PRKN: variants seen among roughly 807,000 people sequenced by gnomAD.
PRKN encodes the protein parkin RBR E3 ubiquitin protein ligase, also known as E3 ubiquitin-protein ligase parkin.
A neutral mutation model predicts 59.5 loss-of-function variants in PRKN; 56 were observed. That is an observed-to-expected ratio of 0.94 (90% confidence interval 0.76 to 1.18). PRKN has a LOEUF of 1.18. Among genes scored for constraint, PRKN ranks in the 50% most tolerant of loss-of-function variants. PRKN has a pLI of 0.00. For missense variants in PRKN, 657 were observed against 596.4 expected, an observed-to-expected ratio of 1.10 and a Z score of -1.06; for synonymous variants, 250 against 222.1, an observed-to-expected ratio of 1.13 and a Z score of -1.12.
chr6:162,016,987 G>C (rs534868742), intron 5 of PRKN, among the ~76,000 whole-genome samples: 5 of 152,176 alleles, frequency 3.3e-5, no homozygotes, highest in African/African-American at 1.2e-4. Context: ...AACTGTGTGT[G>C]TGCAACTCAA....
intron 2 of PRKN, among the ~76,000 whole-genome samples, chr6:162,346,507 G>A (rs1214848610): frequency 6.6e-6 from 1 of 150,878 alleles, no homozygotes; most frequent in Non-Finnish European, 1.5e-5. Context: ...TGTAGTCCCA[G>A]CTCCCTGGGA....
At chr6:162,166,191 C>T (rs1782982531) in intron 4 of PRKN, among the ~76,000 whole-genome samples, 1 of 151,702 alleles carries the variant, frequency 6.6e-6, no homozygotes, top group Non-Finnish European at 1.5e-5. Context: ...CTACAGTAGA[C>T]AAAAATACTT....
At chr6:162,478,010 A>G (rs572559673) in intron 1 of PRKN, among the ~76,000 whole-genome samples, 1 of 152,216 alleles carries the variant, frequency 6.6e-6, no homozygotes, top group African/African-American at 2.4e-5. Flanking sequence ...GCAGGGTCCT[A>G]GAGCACAGGG....
In PRKN at chr6:161,352,755, G is replaced by GTGTGTATATATATATATATATATA. The variant is rs766949960; in HGVS notation, c.1286-2545_1286-2544insTATATATATATATATATATACACA. Among the ~76,000 whole-genome samples, 3 of 134,376 alleles carry GTGTGTATATATATATATATATATA rather than the reference G, an allele frequency of 2.2e-5. No homozygotes were observed. The highest frequency in any genetic ancestry group is 8.4e-5 in the African/African-American group (3 of 35,724). 88.2% of individuals were successfully genotyped at this position (134,376 alleles called of 152,430 possible). On this transcript the variant is annotated intron_variant, in intron 11 of 11. Coordinates refer to ENST00000366898, the MANE Select transcript of PRKN (RefSeq NM_004562.3). The surrounding 1 kb of genome is among the most constrained non-coding windows in gnomAD (Gnocchi z 5.8). Reference sequence around the variant, plus strand: ...TGTGTGTGTGTGTGTGTGTGTGTGTGTATATATATATATATATTTTATTTT... The same window carrying GTGTGTATATATATATATATATATA: ...TGTGTGTGTGTGTGTGTGTGTGTGTGTGTGTATATATATATATATATATATATATATATATATATATTTTATTTT...
At position 162,510,492 on chromosome 6, in the gene PRKN, C is replaced by T. The variant is rs1016922443; in HGVS notation, c.8-67019G>A. Among the ~76,000 whole-genome samples, 8 of 152,226 alleles carry T rather than the reference C, an allele frequency of 5.3e-5. No homozygotes were observed. In the East Asian group the frequency reaches 7.7e-4, roughly 15 times the overall value. On this transcript the variant is annotated intron_variant, in intron 1 of 11. Transcript: ENST00000366898. ...TAGTGGCCTCCTTGGCCAGCTGCAC[C>T]GAGGAAGCAGGGACTGCTCTCTGGG... is the stretch of plus-strand genomic sequence containing the variant.
intron 2 of PRKN, among the ~76,000 whole-genome samples, chr6:162,399,050 C>T (rs10455904): frequency 0.24 from 36,402 of 152,030 alleles, 4,389 homozygotes; most frequent in African/African-American, 0.25. Flanking sequence ...AATAAAAATT[C>T]TCCTAGGGAA....
At chr6:162,725,530 C>A (rs773489903) in intron 1 of PRKN, among the ~76,000 whole-genome samples, 4 of 152,046 alleles carry the variant, frequency 2.6e-5, no homozygotes, top group Admixed American at 6.5e-5. Flanking sequence ...GAGGCGAATG[C>A]GGGAGGATTG....
intron 10 of PRKN, among the ~76,000 whole-genome samples, chr6:161,366,123 T>A (rs2114877222): frequency 6.6e-6 from 1 of 152,316 alleles, no homozygotes; most frequent in African/African-American, 2.4e-5. Context: ...GGAGCTCTTA[T>A]GAAGGGATTC....
chr6:161,784,242 G>T (rs1330937828), intron 7 of PRKN, among the ~76,000 whole-genome samples: 2 of 152,284 alleles, frequency 1.3e-5, no homozygotes, highest in East Asian at 3.9e-4. Flanking sequence ...TGGCAATGAA[G>T]TCTTTTGTTT....
rs1206224933 is a variant in PRKN at position 161,550,204 on chromosome 6, G to A, written c.934-1201C>T. Reference sequence around the variant, plus strand: ...ACAACAAGGGGGGCAGTGGGGCGGAGGCAGAGAGAACAAGGAGGGAAAAAA... The same window carrying A: ...ACAACAAGGGGGGCAGTGGGGCGGAAGCAGAGAGAACAAGGAGGGAAAAAA... On this transcript the variant is annotated intron_variant, in intron 8 of 11. Coordinates refer to ENST00000366898, the MANE Select transcript of PRKN (RefSeq NM_004562.3). This position sits in a 1 kb window ranked among gnomAD's most constrained non-coding sequence, Gnocchi z 4.0. Among the ~76,000 whole-genome samples the A allele has an allele frequency of 6.6e-6, 1 of 152,158 alleles. No individual in the cohort carries two copies. The highest frequency in any genetic ancestry group is 1.5e-5 in the Non-Finnish European group (1 of 68,032).
intron 1 of PRKN, among the ~76,000 whole-genome samples, chr6:162,605,765 T>C (rs1168432431): frequency 6.6e-6 from 1 of 152,186 alleles, no homozygotes; most frequent in Non-Finnish European, 1.5e-5. Flanking sequence ...AAATGATATA[T>C]TCATATCACG....
chr6:161,464,203 A>G (rs6908094), intron 9 of PRKN, among the ~76,000 whole-genome samples: 42,510 of 152,018 alleles, frequency 0.28, 8,589 homozygotes, highest in African/African-American at 0.58. Context: ...TAGTAGAGAC[A>G]GGGTTTCTCC....
At chr6:162,606,246 T>G (rs370204877) in intron 1 of PRKN, among the ~76,000 whole-genome samples, 1 of 152,200 alleles carries the variant, frequency 6.6e-6, no homozygotes, top group East Asian at 1.9e-4. Context: ...TAAAATACCC[T>G]AAGTTGAAAG....
intron 9 of PRKN, among the ~76,000 whole-genome samples, chr6:161,412,627 C>A (rs1251159879): frequency 6.7e-6 from 1 of 148,572 alleles, no homozygotes; most frequent in Non-Finnish European, 1.5e-5. Context: ...CTCACTCATT[C>A]CTCGGCTCAC....
At chr6:161,965,220 G>A (rs886765641) in intron 6 of PRKN, among the ~76,000 whole-genome samples, 2 of 152,014 alleles carry the variant, frequency 1.3e-5, no homozygotes, top group South Asian at 2.1e-4. Context: ...TCAATAAGCC[G>A]AATGAATTTT....
intron 1 of PRKN, among the ~76,000 whole-genome samples, chr6:162,486,826 T>C (rs1029242056): frequency 5.9e-5 from 9 of 152,074 alleles, no homozygotes; most frequent in Admixed American, 5.2e-4. Flanking sequence ...TACCAGCATA[T>C]TGGGAGGCCG....
At chr6:161,822,570 G>A (rs909774617) in intron 6 of PRKN, among the ~76,000 whole-genome samples, 2 of 152,202 alleles carry the variant, frequency 1.3e-5, no homozygotes, top group Admixed American at 6.5e-5. Flanking sequence ...CAGCTACGCG[G>A]GAGGCTGAGG....
In PRKN at chr6:161,360,544, G is replaced by A. The variant is rs1784935450; in HGVS notation, c.1168-339C>T. The stretch of plus-strand genomic sequence containing the variant: ...CAATGCTCAAATACACTTCTCATTA[G>A]ACACTTCATCAGATGTGAAGTGAGG... On this transcript the variant is annotated intron_variant, in intron 10 of 11. Coordinates refer to ENST00000366898, the MANE Select transcript of PRKN (RefSeq NM_004562.3). This position sits in a 1 kb window ranked among gnomAD's most constrained non-coding sequence, Gnocchi z 5.1. 6.6e-6 allele frequency among the ~76,000 whole-genome samples: 1 copy of A among 152,222 alleles called. No individual in the cohort carries two copies. Among genetic ancestry groups the A allele is most frequent in the Non-Finnish European group, 1.5e-5 (1 of 68,042 alleles).
intron 1 of PRKN, among the ~76,000 whole-genome samples, chr6:162,470,095 T>C (rs972551119): frequency 2.6e-5 from 4 of 152,096 alleles, no homozygotes; most frequent in Admixed American, 2.6e-4. Flanking sequence ...AAGCATCTCG[T>C]GAGGAAGTCA....
Sources: gnomAD v4.1 joint callset for allele counts (sites outside exome capture counted in the v4.1 genomes callset) on GRCh38, gnomAD v4.1.1 for gene constraint, Gnocchi (gnomAD v3.1) non-coding constraint, MANE v1.5 for transcripts, NCBI Gene and HGNC (gene_info 2026-07-23, HGNC 2026-07-21) for gene names.